PKM: variants seen among roughly 807,000 people sequenced by gnomAD.
PKM encodes the protein pyruvate kinase PKM.
In PKM, 18 loss-of-function variants were observed where a neutral mutation model predicts 49.8. The ratio of observed to expected loss-of-function variants is 0.36; its 90% CI spans 0.25 to 0.54. The LOEUF is 0.54. PKM is among the 20% of genes least tolerant of loss of function. PKM has a pLI of 0.89. For missense variants in PKM, 508 were observed against 713.8 expected (o/e 0.71, Z 3.28); for synonymous variants, 239 against 261.8 (o/e 0.91, Z 0.84).
rs915613984 is a variant in PKM at position 72,199,431 on chromosome 15, G to A, written c.*219C>T. 2.9e-5 allele frequency: 20 copies of A among 692,626 alleles called. No homozygotes were observed. Among genetic ancestry groups the A allele is most frequent in the Non-Finnish European group, 5.3e-5 (20 of 378,426 alleles). The allele number at this position is 692,626 out of a possible 1,614,324, so 42.9% of individuals were successfully genotyped here. ...GCATTCCTCCTTCTTCCCTTGATTG[G>A]GTGGGGCCACATGATGGGCAGCCAG... On this transcript the variant is annotated 3_prime_UTR_variant, in exon 11 of 11. Transcript: ENST00000335181.
chr15:72,208,794 C>T lies in PKM; in HGVS notation c.663G>A (p.Val221=), dbSNP rs745799220. ...LPGAAVDLPA[V]SEKDIQDLKF... The stretch of plus-strand genomic sequence containing the variant: ...TCAGATCCTGGATGTCCTTCTCCGA[C>T]ACAGCAGGCAAGTCCACAGCAGCCC... The change falls in exon 6 of 11, where the codon GTG becomes GTA. Residue 221 remains valine, a synonymous_variant. Transcript: ENST00000335181. The T allele has an allele frequency of 1.9e-6, 3 of 1,614,160 alleles. No homozygotes were observed. The highest frequency in any genetic ancestry group is 2.2e-5 in the South Asian group (2 of 91,084).
intron 3 of PKM, 58 bp downstream of exon 3, chr15:72,217,350 AC>A: frequency 3.0e-6 from 3 of 1,002,364 alleles, no homozygotes; most frequent in East Asian, 2.4e-5. Context: ...CGAACACTGC[AC>A]CCCCTCCCTG....
At chr15:72,217,568 T>A in intron 2 of PKM, 68 bp from the exon 3 acceptor site, 2 of 1,100,230 alleles carry the variant, frequency 1.8e-6, no homozygotes, top group Non-Finnish European at 2.8e-6. Flanking sequence ...TAAGTTTGCT[T>A]AAGTTTAAAG....
At chr15:72,221,111 A>C (rs1188822766) in intron 1 of PKM, 1 of 954,632 alleles carries the variant, frequency 1.0e-6, no homozygotes, top group African/African-American at 1.6e-5. Flanking sequence ...CTTAGACCTG[A>C]GATATGAGGG....
intron 3 of PKM, among the ~76,000 whole-genome samples, chr15:72,211,933 C>T (rs2082264742): frequency 6.6e-6 from 1 of 152,168 alleles, no homozygotes; most frequent in Non-Finnish European, 1.5e-5. Context: ...TGTCCTTTAA[C>T]CACCACTGTC....
intron 1 of PKM, among the ~76,000 whole-genome samples, chr15:72,222,237 A>G (rs1458122549): frequency 1.3e-5 from 2 of 152,238 alleles, no homozygotes; most frequent in African/African-American, 2.4e-5. Context: ...AGTCAAAAAA[A>G]GCTTGCTTGT....
Position 72,228,819 on chromosome 15 carries a change from G to A in PKM, c.-14+2297C>T, listed in dbSNP as rs904787058. 2.5e-5 allele frequency: 8 copies of A among 326,456 alleles called. No homozygotes were observed. In the East Asian group the frequency reaches 5.5e-4, roughly 22 times the overall value. The allele number at this position is 326,456 out of a possible 1,614,324, so 20.2% of individuals were successfully genotyped here. A position where few individuals can be genotyped will look rare whatever the true frequency, so the allele number is the denominator to read the frequency against. On this transcript the variant is annotated intron_variant, in intron 1 of 10. Coordinates refer to ENST00000335181, the MANE Select transcript of PKM (RefSeq NM_002654.6). ...TAGGGAGTGGCCACACCCTCAAGAC[G>A]GCCAACTGGGGGCTACTGACCCTGG...
intron 1 of PKM, among the ~76,000 whole-genome samples, chr15:72,224,766 ATTGC>A (rs1185897234): frequency 6.6e-6 from 1 of 151,714 alleles, no homozygotes; most frequent in Non-Finnish European, 1.5e-5. Context: ...GAGACACAGA[ATTGC>A]TTGAATCCAG....
chr15:72,206,846 G>A lies in PKM; in HGVS notation c.1022C>T (p.Thr341Ile), dbSNP rs749574324. ...LESMIKKPRP[T>I]RAEGSDVANA... is the part of the protein sequence containing the mutation. ...GGCCACATCACTGCCTTCAGCCCGA[G>A]TGGGGCGGGGCTTCTTGATCATGCT... Residue 341 changes from threonine (T) to isoleucine (I), a missense_variant, in exon 8 of 11, where the codon ACT (threonine) becomes ATT (isoleucine). Coordinates refer to ENST00000335181, the MANE Select transcript of PKM (RefSeq NM_002654.6). 1 of 1,614,178 alleles carries A rather than the reference G, an allele frequency of 6.2e-7. No homozygotes were observed. Among genetic ancestry groups the A allele is most frequent in the South Asian group, 1.1e-5 (1 of 91,090 alleles).
In PKM at chr15:72,202,397, C is replaced by T; in HGVS notation, c.1307+57G>A. 3.9e-6 allele frequency: 6 copies of T among 1,547,042 alleles called. No homozygotes were observed. Among genetic ancestry groups the T allele is most frequent in the Non-Finnish European group, 5.3e-6 (6 of 1,130,678 alleles). On this transcript the variant is annotated intron_variant, in intron 9 of 10. Transcript: ENST00000335181. The surrounding 1 kb of genome is among the most constrained non-coding windows in gnomAD (Gnocchi z 4.5). ...TTGTTCAATGGACTGCTCCCAGGAC[C>T]CCCAAGGTGAGGTACCACTGAGCAG...
At chr15:72,213,507 T>C (rs894252646) in intron 3 of PKM, among the ~76,000 whole-genome samples, 1 of 152,234 alleles carries the variant, frequency 6.6e-6, no homozygotes, top group Non-Finnish European at 1.5e-5. Context: ...CTTGGCTCAC[T>C]GTAGCCTCCA....
chr15:72,208,869 C>G lies in PKM; in HGVS notation c.588G>C (p.Glu196Asp), dbSNP rs1596743873. ...TGCCCAAGGAGCCACCATTTTCCAC[C>G]TCCGTCACCAGGAAGTCGGCACCTG... is the stretch of plus-strand genomic sequence containing the variant. The part of the protein sequence containing the change: ...KQKGADFLVT[E>D]VENGGSLGSK... Residue 196 changes from glutamate (E) to aspartate (D), a missense_variant, in exon 6 of 11, where the codon GAG becomes GAC. By Grantham distance (45) the Glu-to-Asp change is conservative. Transcript: ENST00000335181. The G allele has an allele frequency of 6.2e-6, 10 of 1,614,032 alleles. No individual in the cohort carries two copies. The East Asian group carries it at 2.2e-4, about 36-fold the overall frequency.
At chr15:72,223,351 G>C (rs563888678) in intron 1 of PKM, among the ~76,000 whole-genome samples, 2 of 152,142 alleles carry the variant, frequency 1.3e-5, no homozygotes, top group East Asian at 3.9e-4. Context: ...ATTATGCTCC[G>C]ATACCAACCT....
rs1163027959 is a variant in PKM at position 72,221,344 on chromosome 15, A to C, written c.-13-2234T>G. 23 of 985,148 alleles carry C rather than the reference A, an allele frequency of 2.3e-5. No individual in the cohort carries two copies. The South Asian group carries it at 3.1e-4, about 13-fold the overall frequency. The allele number at this position is 985,148 out of a possible 1,614,324, so 61.0% of individuals were successfully genotyped here. On this transcript the variant is annotated intron_variant, in intron 1 of 10. Coordinates refer to ENST00000335181, the MANE Select transcript of PKM (RefSeq NM_002654.6). ...TAAAGCTCTTTGGGGTAATGGAAAA[A>C]TTACCTTAATAACCAGGTATCCAGG...
chr15:72,210,234 C>T (rs979442732), intron 4 of PKM, 113 bp downstream of exon 4: 19 of 1,082,144 alleles, frequency 1.8e-5, no homozygotes, highest in Middle Eastern at 3.1e-4. Context: ...CTCAACTCCT[C>T]TGCAGTCCTT....
Position 72,217,511 on chromosome 15 carries a change from A to G in PKM, c.155-11T>C, listed in dbSNP as rs371711226. The G allele has an allele frequency of 1.4e-4, 217 of 1,502,864 alleles. No homozygotes were observed. In the African/African-American group the frequency reaches 2.7e-3, roughly 19 times the overall value. 93.1% of individuals were successfully genotyped at this position (1,502,864 alleles called of 1,614,324 possible). A position where few individuals can be genotyped will look rare whatever the true frequency, so the allele number is the denominator to read the frequency against. On this transcript the variant is annotated splice_polypyrimidine_tract_variant and intron_variant, in intron 2 of 10. Coordinates refer to ENST00000335181, the MANE Select transcript of PKM (RefSeq NM_002654.6). The stretch of plus-strand genomic sequence containing the variant: ...ATCGGGAAGCTGGGCCTATTAGGAA[A>G]AGTTTTAAAGCCACAAGTATTAATT...
At chr15:72,207,994 C>G (rs2082129949) in intron 6 of PKM, among the ~76,000 whole-genome samples, 1 of 152,212 alleles carries the variant, frequency 6.6e-6, no homozygotes, top group South Asian at 2.1e-4. Flanking sequence ...AAATGGTGGC[C>G]ATGCCCACTG....
At chr15:72,226,860 C>A (rs533241764) in intron 1 of PKM, among the ~76,000 whole-genome samples, 2 of 152,224 alleles carry the variant, frequency 1.3e-5, no homozygotes, top group African/African-American at 4.8e-5. Flanking sequence ...GTACTGCAGC[C>A]GGCTTGTTCC....
intron 1 of PKM, among the ~76,000 whole-genome samples, chr15:72,224,922 C>T (rs1200726105): frequency 3.7e-5 from 3 of 81,584 alleles, no homozygotes; most frequent in African/African-American, 4.3e-5. Context: ...TTTCTTTTTT[C>T]TTTTTTTTTT....
Sources: gnomAD v4.1 joint callset for allele counts (sites outside exome capture counted in the v4.1 genomes callset) on GRCh38, gnomAD v4.1.1 for gene constraint, Gnocchi (gnomAD v3.1) non-coding constraint, MANE v1.5 for transcripts, NCBI Gene and HGNC (gene_info 2026-07-23, HGNC 2026-07-21) for gene names.